The following ZNF43 variants were observed in gnomAD, a reference collection of about 807,000 sequenced individuals.
ZNF43 encodes zinc finger protein 43, also known as zinc finger protein 39-like 1 (KOX 27).
Under a neutral mutation model 68.4 loss-of-function variants are expected in ZNF43, and 44 were observed. The observed-to-expected ratio is 0.64, with a 90% CI of 0.51 to 0.83. The LOEUF is 0.83. Ranked by LOEUF, ZNF43 falls within the 40% of genes least tolerant of loss-of-function variation. The pLI is 0.00. For missense variants in ZNF43, 896 were observed against 933.2 expected, an observed-to-expected ratio of 0.96 and a Z score of 0.52; for synonymous variants, 308 against 307.8, an observed-to-expected ratio of 1.00 and a Z score of -0.01.
rs2037100243 is a variant in ZNF43 at position 21,808,684 on chromosome 19, C to T, written c.1353G>A (p.Glu451=). The stretch of plus-strand genomic sequence containing the variant: ...CACATACTTCACATTTGTAGGGTTT[C>T]TCTCCAGTATGAATTCTGTTATGTT... ...LTKHNRIHTG[E]KPYKCEVCGK... is the part of the protein sequence containing the mutation. The change falls in exon 4 of 4, where the codon GAG becomes GAA. Residue 451 remains glutamate (E), a synonymous_variant. Transcript: ENST00000354959. 5.0e-6 allele frequency: 8 copies of T among 1,613,266 alleles called. No homozygotes were observed. The highest frequency in any genetic ancestry group is 4.4e-5 in the South Asian group (4 of 91,052).
At position 21,806,516 on chromosome 19, in the gene ZNF43, T is replaced by C. The variant is rs1310300183; in HGVS notation, c.*1091A>G. On this transcript the variant is annotated 3_prime_UTR_variant, in exon 4 of 4. Coordinates refer to ENST00000354959, the MANE Select transcript of ZNF43 (RefSeq NM_003423.4). ...GTTCCATAAAAAATGTTTTAAATAA[T>C]GCCCACCTAATAAAAGAATCTCTCA... The C allele has an allele frequency of 6.6e-6, 1 of 152,160 alleles. No homozygotes were observed. Among genetic ancestry groups the C allele is most frequent in the Admixed American group, 6.6e-5 (1 of 15,258 alleles). 9.4% of individuals were successfully genotyped at this position (152,160 alleles called of 1,614,324 possible).
At chr19:21,836,637 T>G (rs2038754814), upstream of ZNF43, among the ~76,000 whole-genome samples, 1 of 152,196 alleles carries the variant, frequency 6.6e-6, no homozygotes. Flanking sequence ...CAGGCTGGAG[T>G]GCAGGGTCAT....
intron 3 of ZNF43, among the ~76,000 whole-genome samples, chr19:21,810,844 A>AG (rs2037239527): frequency 6.6e-6 from 1 of 152,000 alleles, no homozygotes; most frequent in African/African-American, 2.4e-5. Context: ...CAGCTACTTA[A>AG]GGGGCTAAGG....
chr19:21,843,978 CATATGA>C (rs1454830113), intron 1 of ZNF43, among the ~76,000 whole-genome samples: 1 of 152,072 alleles, frequency 6.6e-6, no homozygotes, highest in African/African-American at 2.4e-5. Flanking sequence ...GCTGGTTGCG[CATATGA>C]GTATAACAAT....
rs200439394 is a variant in ZNF43, at chr19:21,822,786, CAG to C, written c.4-3567_4-3566del. On this transcript the variant is annotated intron_variant, in intron 1 of 3. Coordinates refer to ENST00000354959, the MANE Select transcript of ZNF43 (RefSeq NM_003423.4). ...CGCCACTGCACTCCAGCCTGGGTGA[CAG>C]AGCAAGACTCCGTCTCAGAAAAAAA... Among the ~76,000 whole-genome samples, 1,309 of 151,550 alleles carry C rather than the reference CAG, an allele frequency of 8.6e-3. 24 individuals carry two copies. The highest frequency in any genetic ancestry group is 0.03 in the African/African-American group (1,242 of 41,280).
intron 1 of ZNF43, among the ~76,000 whole-genome samples, chr19:21,824,985 T>C (rs1199472812): frequency 6.6e-6 from 1 of 152,080 alleles, no homozygotes; most frequent in Non-Finnish European, 1.5e-5. Context: ...CCTGTAATCC[T>C]AGAACTCTGG....
chr19:21,814,148 C>A (rs1413973020), intron 3 of ZNF43, among the ~76,000 whole-genome samples: 1 of 151,590 alleles, frequency 6.6e-6, no homozygotes, highest in Non-Finnish European at 1.5e-5. Context: ...CAAAAAAATA[C>A]AGCATTATAA....
In ZNF43 at chr19:21,817,888, C is replaced by G. The variant is rs1305732389; in HGVS notation, c.229G>C (p.Val77Leu). The G allele has an allele frequency of 8.7e-6, 14 of 1,612,438 alleles. No homozygotes were observed. Among genetic ancestry groups the G allele is most frequent in the Non-Finnish European group, 1.1e-5 (13 of 1,178,826 alleles). Reference protein sequence around the residue: ...RRHEMVAKPPVMCSHFTQDFW... With the variant: ...RRHEMVAKPPLMCSHFTQDFW... ...TGTATTCACTTTCACTCTCACCTAC[C>G]TGGGGGTTTGGCTACCATTTCATGT... The change falls in exon 3 of 4, where the codon GTT (valine) becomes CTT (leucine). Residue 77 changes from valine (V) to leucine (L), a missense_variant and splice_region_variant. Physicochemically the swap from Val to Leu is conservative, Grantham distance 32. Coordinates refer to ENST00000354959, the MANE Select transcript of ZNF43 (RefSeq NM_003423.4).
intron 3 of ZNF43, among the ~76,000 whole-genome samples, chr19:21,810,153 C>T (rs1163668178): frequency 2.6e-5 from 4 of 152,062 alleles, no homozygotes; most frequent in Non-Finnish European, 5.9e-5. Flanking sequence ...TTGCATATAG[C>T]GGAATACCTG....
At chr19:21,847,698 GA>G (rs113588824) in intron 1 of ZNF43, among the ~76,000 whole-genome samples, 67,124 of 146,334 alleles carry the variant, frequency 0.46, 16,832 homozygotes, top group African/African-American at 0.7. Flanking sequence ...CTCCGTCTCC[GA>G]AAAAAAAAAA....
chr19:21,825,207 C>G (rs1386665151), intron 1 of ZNF43, among the ~76,000 whole-genome samples: 1 of 152,012 alleles, frequency 6.6e-6, no homozygotes, highest in Non-Finnish European at 1.5e-5. Flanking sequence ...GTACTCCAGC[C>G]TGGGCAACAA....
chr19:21,836,002 T>C, intron 1 of ZNF43, 34 bp downstream of exon 1: 2 of 1,613,324 alleles, frequency 1.2e-6, no homozygotes, highest in Non-Finnish European at 1.7e-6. Context: ...CACAGCCCCT[T>C]CCCCCTCTCG....
At chr19:21,827,597 A>C (rs1257085447) in intron 1 of ZNF43, among the ~76,000 whole-genome samples, 2 of 151,052 alleles carry the variant, frequency 1.3e-5, no homozygotes, top group East Asian at 3.9e-4. Context: ...CCCAACCTCA[A>C]GTGATCCACC....
chr19:21,815,265 T>C (rs1272766920), intron 3 of ZNF43, among the ~76,000 whole-genome samples: 1 of 152,108 alleles, frequency 6.6e-6, no homozygotes, highest in Admixed American at 6.6e-5. Context: ...ACAATATTTG[T>C]AACTTTGTAC....
chr19:21,838,194 C>T (rs1440269231), upstream of ZNF43, among the ~76,000 whole-genome samples: 2 of 152,098 alleles, frequency 1.3e-5, no homozygotes. Context: ...TTGTAGCTAT[C>T]TTATTTAGAA....
Position 21,807,560 on chromosome 19 carries a change from G to A in ZNF43, c.*47C>T, listed in dbSNP as rs779226035. 5.5e-6 allele frequency: 8 copies of A among 1,459,582 alleles called. No individual in the cohort carries two copies. The South Asian group carries it at 1.0e-4, about 19-fold the overall frequency. 90.4% of individuals were successfully genotyped at this position (1,459,582 alleles called of 1,614,324 possible). A position where few individuals can be genotyped will look rare whatever the true frequency, so the allele number is the denominator to read the frequency against. On this transcript the variant is annotated 3_prime_UTR_variant, in exon 4 of 4. Transcript: ENST00000354959. The stretch of plus-strand genomic sequence containing the variant: ...CAATCAAGTGTGACAACCATGTAAA[G>A]CCTTTATCACATTCTTTACATTTCT...
chr19:21,851,794 G>A (rs968480469), intron 1 of ZNF43: 1 of 1,221,552 alleles, frequency 8.2e-7, no homozygotes, highest in Non-Finnish European at 1.1e-6. Context: ...GAGGGGCCTG[G>A]GGCGGAGCTG....
intron 1 of ZNF43, among the ~76,000 whole-genome samples, chr19:21,829,685 A>G (rs899944083): frequency 5.9e-5 from 9 of 152,232 alleles, no homozygotes; most frequent in Admixed American, 1.3e-4. Context: ...AAAGAGTTGA[A>G]CAAGATAGTC....
At chr19:21,834,954 A>G (rs1599524387) in intron 1 of ZNF43, among the ~76,000 whole-genome samples, 1 of 151,532 alleles carries the variant, frequency 6.6e-6, no homozygotes, top group East Asian at 2.0e-4. Context: ...AAAAAAAAAA[A>G]AAATAGCCCG....
Sources: allele counts gnomAD v4.1 joint callset (sites outside exome capture counted in the v4.1 genomes callset), GRCh38; gene constraint gnomAD v4.1.1; transcripts MANE v1.5; gene names NCBI Gene and HGNC (gene_info 2026-07-23, HGNC 2026-07-21).